Variants in SDHC observed in about 807,000 individuals in gnomAD.
SDHC encodes succinate dehydrogenase complex subunit C.
Under a neutral mutation model 22.6 loss-of-function variants are expected in SDHC, and 11 were observed. The ratio of observed to expected loss-of-function variants is 0.49; its 90% CI spans 0.31 to 0.81. The LOEUF (loss-of-function observed/expected upper bound fraction) is 0.81, where lower values mean the gene tolerates loss of function less well. Ranked by LOEUF, SDHC falls within the 30% of genes least tolerant of loss-of-function variation. The probability of loss-of-function intolerance (pLI) is 0.05; values close to 1 mark genes in which losing one functional copy is unlikely to be tolerated. For missense variants in SDHC, 160 were observed against 212.0 expected (o/e 0.75, Z 1.52); for synonymous variants, 80 against 77.8 (o/e 1.03, Z -0.15).
At chr1:161,315,807 A>G (rs919484540) in intron 1 of SDHC, among the ~76,000 whole-genome samples, 5 of 146,312 alleles carry the variant, frequency 3.4e-5, no homozygotes, top group African/African-American at 5.5e-5. Flanking sequence ...TAGAGAAAGA[A>G]AAAAGGGGGC....
intron 1 of SDHC, among the ~76,000 whole-genome samples, chr1:161,315,202 G>GC (rs1670563132): frequency 6.6e-6 from 1 of 152,176 alleles, no homozygotes; most frequent in Non-Finnish European, 1.5e-5. Flanking sequence ...ATAGTTTTGT[G>GC]CCAGCCTTAT....
intron 4 of SDHC, among the ~76,000 whole-genome samples, chr1:161,341,551 T>C (rs997401939): frequency 6.6e-6 from 1 of 152,236 alleles, no homozygotes; most frequent in Admixed American, 6.5e-5. Context: ...AGTAGGGATA[T>C]ACTTTACAAG....
intron 1 of SDHC, among the ~76,000 whole-genome samples, chr1:161,316,545 CTT>C (rs1230594223): frequency 6.6e-6 from 1 of 152,212 alleles, no homozygotes; most frequent in Admixed American, 6.5e-5. Context: ...AATGGAGTCT[CTT>C]ATGTCTGCTT....
At chr1:161,327,564 TTTTA>T (rs1445713700) in intron 2 of SDHC, among the ~76,000 whole-genome samples, 1 of 151,896 alleles carries the variant, frequency 6.6e-6, no homozygotes, top group Admixed American at 6.6e-5. Context: ...TATTTATTTA[TTTTA>T]TTTATTTTTT....
At chr1:161,331,708 G>T (rs746292415) in intron 3 of SDHC, among the ~76,000 whole-genome samples, 17 of 150,728 alleles carry the variant, frequency 1.1e-4, no homozygotes, top group Non-Finnish European at 2.4e-4. Flanking sequence ...CGGTTCTCCT[G>T]CCTCAGCCTC....
intron 4 of SDHC, among the ~76,000 whole-genome samples, chr1:161,347,420 A>AT (rs954417832): frequency 6.6e-6 from 1 of 151,286 alleles, no homozygotes; most frequent in Non-Finnish European, 1.5e-5. Flanking sequence ...TGCCAAACTA[A>AT]TTTTTTTTGT....
In SDHC at chr1:161,361,822, G is replaced by T. The variant is rs531684772; in HGVS notation, c.406-507G>T. On this transcript the variant is annotated intron_variant, in intron 5 of 5. Coordinates refer to ENST00000367975, the MANE Select transcript of SDHC (RefSeq NM_003001.5). The stretch of plus-strand genomic sequence containing the variant: ...CATGCCACTGCACTCCAGCCTGGGC[G>T]ACAGAGTGAGAGTCCGTCTCAAAAA... 1.3e-4 allele frequency among the ~76,000 whole-genome samples: 16 copies of T among 125,392 alleles called. No individual in the cohort carries two copies. In the East Asian group the frequency reaches 3.5e-3, roughly 28 times the overall value. 82.3% of individuals were successfully genotyped at this position (125,392 alleles called of 152,430 possible).
rs766596277 is a variant in SDHC at position 161,362,445 on chromosome 1, T to A, written c.*12T>A. 19 of 1,612,888 alleles carry A rather than the reference T, an allele frequency of 1.2e-5. No homozygotes were observed. In the African/African-American group the frequency reaches 2.1e-4, roughly 18 times the overall value. On this transcript the variant is annotated 3_prime_UTR_variant, in exon 6 of 6. Transcript: ENST00000367975. Reference sequence around the variant, plus strand: ...TGGCAGCCATGTGAAGAAAGGAGGCTCCCAGCATCATCTTCCTACACATTA... The same window carrying A: ...TGGCAGCCATGTGAAGAAAGGAGGCACCCAGCATCATCTTCCTACACATTA...
rs183153602 is a variant in SDHC, at chr1:161,347,221, C to T, written c.241+6566C>T. Among the ~76,000 whole-genome samples, 26 of 152,178 alleles carry T rather than the reference C, an allele frequency of 1.7e-4. No individual in the cohort carries two copies. The East Asian group carries it at 4.6e-3, about 27-fold the overall frequency. On this transcript the variant is annotated intron_variant, in intron 4 of 5. Coordinates refer to ENST00000367975, the MANE Select transcript of SDHC (RefSeq NM_003001.5). The stretch of plus-strand genomic sequence containing the variant: ...AAAGGCATAGGGATTGGAAATCTCC[C>T]GGATCATTGGATGATTATGACGAGG...
intron 3 of SDHC, among the ~76,000 whole-genome samples, chr1:161,334,436 C>T (rs755740314): frequency 3.3e-5 from 5 of 152,038 alleles, no homozygotes; most frequent in African/African-American, 9.7e-5. Flanking sequence ...GACAGGGTCT[C>T]GCTGTGTTGC....
chr1:161,347,641 G>A (rs896371754), intron 4 of SDHC, among the ~76,000 whole-genome samples: 3 of 151,876 alleles, frequency 2.0e-5, no homozygotes, highest in African/African-American at 4.8e-5. Flanking sequence ...GCCGAGGCAG[G>A]TGGATCACAA....
intron 5 of SDHC, among the ~76,000 whole-genome samples, chr1:161,360,752 C>T (rs986853760): frequency 6.6e-6 from 1 of 151,744 alleles, no homozygotes; most frequent in African/African-American, 2.4e-5. Flanking sequence ...TGGGTTTTAA[C>T]TCAATTGGTA....
At chr1:161,342,843 G>C (rs1473847862) in intron 4 of SDHC, among the ~76,000 whole-genome samples, 2 of 152,240 alleles carry the variant, frequency 1.3e-5, no homozygotes, top group East Asian at 3.9e-4. Flanking sequence ...GAAATATCTT[G>C]CCTAGAATCG....
chr1:161,361,580 C>G (rs1371441748), intron 5 of SDHC, among the ~76,000 whole-genome samples: 1 of 152,206 alleles, frequency 6.6e-6, no homozygotes, highest in Non-Finnish European at 1.5e-5. Flanking sequence ...TGGCTCACGC[C>G]TGTAATCCCA....
At chr1:161,354,873 C>T (rs1672217895) in intron 4 of SDHC, among the ~76,000 whole-genome samples, 1 of 151,870 alleles carries the variant, frequency 6.6e-6, no homozygotes, top group Non-Finnish European at 1.5e-5. Context: ...CCACAACTGG[C>T]TCATTTTTGT....
intron 1 of SDHC, among the ~76,000 whole-genome samples, chr1:161,321,816 T>C (rs1670851689): frequency 1.3e-5 from 2 of 152,358 alleles, no homozygotes; most frequent in South Asian, 4.1e-4. Flanking sequence ...GTATGAGATC[T>C]TGTGTCCTAG....
Position 161,321,104 on chromosome 1 carries a change from C to G in SDHC, c.21-2510C>G, listed in dbSNP as rs540452263. Among the ~76,000 whole-genome samples, 3 of 152,290 alleles carry G rather than the reference C, an allele frequency of 2.0e-5. No individual in the cohort carries two copies. The East Asian group carries it at 5.8e-4, about 29-fold the overall frequency. On this transcript the variant is annotated intron_variant, in intron 1 of 5. Coordinates refer to ENST00000367975, the MANE Select transcript of SDHC (RefSeq NM_003001.5). Reference sequence around the variant, plus strand: ...CCTCCCAAAGTGCTGGGATTACAGGCGTGAGCCATCGCGCCCGGCCCAGTC... The same window carrying G: ...CCTCCCAAAGTGCTGGGATTACAGGGGTGAGCCATCGCGCCCGGCCCAGTC...
chr1:161,314,484 C>T (rs764164981), intron 1 of SDHC, 59 bp downstream of exon 1: 6 of 1,592,946 alleles, frequency 3.8e-6, no homozygotes, highest in Non-Finnish European at 5.2e-6. Flanking sequence ...TGAACTGGCC[C>T]CTCACGTTTT....
chr1:161,349,200 C>T (rs138419258), intron 4 of SDHC, among the ~76,000 whole-genome samples: 173 of 152,250 alleles, frequency 1.1e-3, no homozygotes, highest in African/African-American at 2.6e-3. Context: ...CTGTGGCTCA[C>T]GCTTGTAAAC....
Sources: allele counts gnomAD v4.1 joint callset (sites outside exome capture counted in the v4.1 genomes callset), GRCh38; gene constraint gnomAD v4.1.1; transcripts MANE v1.5; gene names NCBI Gene and HGNC (gene_info 2026-07-23, HGNC 2026-07-21).